The following OR6N1 variants were observed in gnomAD, a reference collection of about 807,000 sequenced individuals.
The protein encoded by OR6N1 is olfactory receptor family 6 subfamily N member 1, also known as olfactory receptor 6N1.
For missense variants in OR6N1, 394 were observed against 371.7 expected, an observed-to-expected ratio of 1.06 and a Z score of -0.49; for synonymous variants, 170 against 150.7, an observed-to-expected ratio of 1.13 and a Z score of -0.94.
the OR6N1 span, among the ~76,000 whole-genome samples, chr1:158,839,746 T>C: frequency 6.6e-6 from 1 of 152,216 alleles, no homozygotes; most frequent in African/African-American, 2.4e-5. Flanking sequence ...TTCCACTATT[T>C]TGAATGTGGC....
chr1:158,770,207 G>A (rs1268340288), intron 1 of OR6N1, among the ~76,000 whole-genome samples: 11 of 152,204 alleles, frequency 7.2e-5, no homozygotes, highest in Non-Finnish European at 1.5e-4. Context: ...AGAAGGTAGA[G>A]TTTCCACATA....
the OR6N1 span, among the ~76,000 whole-genome samples, chr1:158,809,853 G>A: frequency 6.6e-6 from 1 of 152,174 alleles, no homozygotes; most frequent in East Asian, 1.9e-4. Flanking sequence ...AATATCCTAG[G>A]CCCGTGGTGC....
At chr1:158,772,879 G>A (rs533017086), upstream of OR6N1, among the ~76,000 whole-genome samples, 1 of 152,302 alleles carries the variant, frequency 6.6e-6, no homozygotes, top group Admixed American at 6.5e-5. Flanking sequence ...TACTATATGT[G>A]AGGTGATAAA....
chr1:158,772,748 T>TAC (rs1285609283), upstream of OR6N1, among the ~76,000 whole-genome samples: 1 of 152,174 alleles, frequency 6.6e-6, no homozygotes, highest in African/African-American at 2.4e-5. Context: ...GAATCTTGGA[T>TAC]ACAATCCCAG....
At chr1:158,815,309 A>G in the OR6N1 span, among the ~76,000 whole-genome samples, 1 of 152,094 alleles carries the variant, frequency 6.6e-6, no homozygotes, top group Non-Finnish European at 1.5e-5. Context: ...CTCCACGTAT[A>G]TTGTAAGCTT....
the OR6N1 span, among the ~76,000 whole-genome samples, chr1:158,780,112 A>G: frequency 6.6e-6 from 1 of 152,226 alleles, no homozygotes; most frequent in South Asian, 2.1e-4. Context: ...TAATAAACTT[A>G]GCGTCTCACA....
chr1:158,789,206 C>T, the OR6N1 span, among the ~76,000 whole-genome samples: 29 of 152,176 alleles, frequency 1.9e-4, no homozygotes, highest in Admixed American at 1.6e-3. Flanking sequence ...AATAGTATCT[C>T]ATTGTGTGTA....
the OR6N1 span, among the ~76,000 whole-genome samples, chr1:158,820,031 C>A: frequency 2.0e-5 from 3 of 152,190 alleles, no homozygotes; most frequent in African/African-American, 7.2e-5. Flanking sequence ...GACAGCAAGC[C>A]AGTCATAAGA....
chr1:158,787,635 T>TCTCACACACA, the OR6N1 span, among the ~76,000 whole-genome samples: 124 of 134,310 alleles, frequency 9.2e-4, no homozygotes, highest in African/African-American at 3.5e-3. Context: ...TCTCTCTCTC[T>TCTCACACACA]CACACACACA....
At chr1:158,776,586 AG>A (rs1657599047), upstream of OR6N1, 1 of 675,110 alleles carries the variant, frequency 1.5e-6, no homozygotes, top group African/African-American at 1.8e-5. Flanking sequence ...AAGAGGTGAA[AG>A]GAAATGAAAT....
intron 1 of OR6N1, 51 bp from the exon 2 acceptor site, chr1:158,766,751 T>C (rs1657286497): frequency 1.7e-6 from 2 of 1,199,256 alleles, no homozygotes; most frequent in Non-Finnish European, 2.3e-6. Flanking sequence ...TATAGGGTTC[T>C]AACAAGAAGG....
the OR6N1 span, among the ~76,000 whole-genome samples, chr1:158,820,102 T>C: frequency 2.0e-5 from 3 of 152,370 alleles, no homozygotes; most frequent in Non-Finnish European, 4.4e-5. Flanking sequence ...GGATGGGCTC[T>C]GGCTAGTTAT....
chr1:158,772,930 A>C (rs528029914), upstream of OR6N1, among the ~76,000 whole-genome samples: 3 of 152,250 alleles, frequency 2.0e-5, no homozygotes, highest in Admixed American at 6.5e-5. Flanking sequence ...CTCTGCATAC[A>C]TGTATCAAAA....
the OR6N1 span, among the ~76,000 whole-genome samples, chr1:158,811,069 G>T: frequency 0.16 from 23,894 of 152,110 alleles, 2,156 homozygotes; most frequent in South Asian, 0.35. Context: ...AGTGAGTGTT[G>T]TTCTCCTCTA....
the OR6N1 span, among the ~76,000 whole-genome samples, chr1:158,787,174 C>T: frequency 3.3e-5 from 5 of 152,010 alleles, no homozygotes; most frequent in East Asian, 9.7e-4. Flanking sequence ...AAGTGTGTGG[C>T]ATCTCCTCCC....
the OR6N1 span, among the ~76,000 whole-genome samples, chr1:158,837,087 T>A: frequency 6.6e-6 from 1 of 151,934 alleles, no homozygotes; most frequent in Non-Finnish European, 1.5e-5. Flanking sequence ...ACGTTTAACA[T>A]TTATTAACAC....
At chr1:158,835,209 T>C in the OR6N1 span, among the ~76,000 whole-genome samples, 1 of 152,196 alleles carries the variant, frequency 6.6e-6, no homozygotes, top group Non-Finnish European at 1.5e-5. Context: ...ATGCAGTTCC[T>C]TGGGTATTGA....
At chr1:158,835,264 T>A in the OR6N1 span, among the ~76,000 whole-genome samples, 3 of 152,200 alleles carry the variant, frequency 2.0e-5, no homozygotes, top group Non-Finnish European at 1.5e-5. Context: ...CACAGATGCC[T>A]TCCCATGTAC....
chr1:158,782,686 C>T, the OR6N1 span, among the ~76,000 whole-genome samples: 30 of 152,204 alleles, frequency 2.0e-4, no homozygotes, highest in Non-Finnish European at 3.5e-4. Context: ...CTTAATGAAT[C>T]TTACTTGTTA....
Sources: allele counts gnomAD v4.1 joint callset (sites outside exome capture counted in the v4.1 genomes callset), GRCh38; gene constraint gnomAD v4.1.1; transcripts MANE v1.5; gene names NCBI Gene and HGNC (gene_info 2026-07-23, HGNC 2026-07-21).